Variants in HPD observed in about 807,000 individuals in gnomAD.
HPD encodes the protein 4-hydroxyphenylpyruvate dioxygenase.
HPD carries 35 observed loss-of-function variants against 56.9 expected under a neutral mutation model. The ratio of observed to expected loss-of-function variants is 0.62; its 90% CI spans 0.47 to 0.82. The LOEUF is 0.82. Ranked by LOEUF, HPD falls within the 40% of genes least tolerant of loss-of-function variation. The pLI, the probability that HPD is intolerant of heterozygous loss-of-function variation, is 0.00. For missense variants in HPD, 442 were observed against 506.8 expected (o/e 0.87, Z 1.23); for synonymous variants, 186 against 200.2 (o/e 0.93, Z 0.60).
At chr12:121,846,753 A>T (rs1273065635) in intron 11 of HPD, 109 bp downstream of exon 11, 1 of 996,302 alleles carries the variant, frequency 1.0e-6, no homozygotes, top group Non-Finnish European at 1.6e-6. Context: ...TCAGTCTCCC[A>T]GCCCAGAGAA....
intron 7 of HPD, among the ~76,000 whole-genome samples, chr12:121,853,240 A>G (rs1877869717): frequency 6.6e-6 from 1 of 152,076 alleles, no homozygotes; most frequent in Admixed American, 6.6e-5. Flanking sequence ...CTTAATACCT[A>G]GGTGATGGGA....
At position 121,845,390 on chromosome 12, in the gene HPD, A is replaced by T. The variant is rs1010124274; in HGVS notation, c.831+1472T>A. Reference sequence around the variant, plus strand: ...GGTGGGCAGATCACAAGATCAGGAGATCGAGACCATCCTGGCTAACACAGT... The same window carrying T: ...GGTGGGCAGATCACAAGATCAGGAGTTCGAGACCATCCTGGCTAACACAGT... On this transcript the variant is annotated intron_variant, in intron 11 of 13. Transcript: ENST00000289004. Among the ~76,000 whole-genome samples the T allele has an allele frequency of 2.7e-5, 4 of 149,250 alleles. 1 individual carries two copies. The highest frequency in any genetic ancestry group is 7.7e-5 in the African/African-American group (3 of 38,898).
chr12:121,882,469 T>C, the HPD span, among the ~76,000 whole-genome samples: 1 of 152,144 alleles, frequency 6.6e-6, no homozygotes, highest in East Asian at 1.9e-4. Context: ...GGGCTGTCTG[T>C]GGCCACTGCA....
Position 121,849,713 on chromosome 12 carries a change from C to T in HPD, c.492G>A (p.Ala164=), listed in dbSNP as rs1170779314. 18 of 1,613,508 alleles carry T rather than the reference C, an allele frequency of 1.1e-5. No homozygotes were observed. The highest frequency in any genetic ancestry group is 4.5e-5 in the East Asian group (2 of 44,864). Residue 164 remains alanine, a synonymous_variant, in exon 8 of 14, where the codon GCG becomes GCA. Coordinates refer to ENST00000289004, the MANE Select transcript of HPD (RefSeq NM_002150.3). ...GQFLPGYEAP[A]FMDPLLPKLP... ...GTTTAGGAAGTAGGGGGTCCATGAA[C>T]GCTGGGGCCTCATATCCAGGCAAGA... is the stretch of plus-strand genomic sequence containing the variant.
rs762065329 is a variant in HPD at position 121,854,704 on chromosome 12, G to A, written c.413C>T (p.Thr138Met). The part of the protein sequence containing the change: ...FGKVKFAVLQ[T>M]YGDTTHTLVE... ...GTGGGGGCACCAAAGGGAACTCACC[G>A]TCTGCAGCACAGCAAACTTCACCTT... Residue 138 changes from threonine to methionine, a missense_variant and splice_region_variant, in exon 7 of 14, where the codon ACG becomes ATG. By Grantham distance (81) the Thr-to-Met change is moderately conservative. Transcript: ENST00000289004. 1.1e-5 allele frequency: 18 copies of A among 1,610,860 alleles called. No individual in the cohort carries two copies. Among genetic ancestry groups the A allele is most frequent in the East Asian group, 2.2e-5 (1 of 44,880 alleles).
upstream of HPD, among the ~76,000 whole-genome samples, chr12:121,859,881 G>A (rs1368510496): frequency 4.6e-5 from 7 of 152,220 alleles, no homozygotes; most frequent in South Asian, 2.1e-4. Flanking sequence ...ACTGGGGGCC[G>A]GGGGTGGTGG....
intron 12 of HPD, among the ~76,000 whole-genome samples, chr12:121,842,303 G>T (rs1877433048): frequency 6.6e-6 from 1 of 150,962 alleles, no homozygotes; most frequent in African/African-American, 2.4e-5. Context: ...TTTTAAAACT[G>T]TTTTTTTTGT....
At chr12:121,844,880 CAAAAT>C (rs1224395570) in intron 11 of HPD, among the ~76,000 whole-genome samples, 1 of 149,308 alleles carries the variant, frequency 6.7e-6, no homozygotes, top group Non-Finnish European at 1.5e-5. Flanking sequence ...GACTCTGTCT[CAAAAT>C]AAAATAAAAT....
At chr12:121,851,836 A>T (rs1288791388) in intron 7 of HPD, among the ~76,000 whole-genome samples, 12 of 28,774 alleles carry the variant, frequency 4.2e-4, no homozygotes, top group Middle Eastern at 0.022. Context: ...CAGCCTCCCG[A>T]GTAGCTGGGA....
chr12:121,856,690 G>A lies in HPD; in HGVS notation c.199-65C>T, dbSNP rs368140816. On this transcript the variant is annotated intron_variant, in intron 4 of 13. Transcript: ENST00000289004. ...GGGGGCATGGGGAGGTGCACCCATC[G>A]GCCCCTCCCTGCCGACCCGAAACAC... 1,301 of 1,503,778 alleles carry A rather than the reference G, an allele frequency of 8.7e-4. 10 individuals carry two copies. Among genetic ancestry groups the A allele is most frequent in the South Asian group, 2.9e-3 (257 of 88,374 alleles). The allele number at this position is 1,503,778 out of a possible 1,614,324, so 93.2% of individuals were successfully genotyped here.
chr12:121,887,352 TTC>T, the HPD span, among the ~76,000 whole-genome samples: 165 of 149,502 alleles, frequency 1.1e-3, no homozygotes, highest in African/African-American at 3.2e-3. Context: ...GCACCTGTAT[TTC>T]TCTCTCTCTC....
At position 121,847,145 on chromosome 12, in the gene HPD, G is replaced by A. The variant is rs759216846; in HGVS notation, c.666C>T (p.Ser222=). 31 of 1,614,026 alleles carry A rather than the reference G, an allele frequency of 1.9e-5. No homozygotes were observed. Among genetic ancestry groups the A allele is most frequent in the Non-Finnish European group, 2.5e-5 (29 of 1,180,006 alleles). ...TGGCCACCACAATGGATCGCAGAGAGCTATATTCCGTGTGCACCTGCGTGT... is the reference window on the plus strand; with the variant it reads ...TGGCCACCACAATGGATCGCAGAGAACTATATTCCGTGTGCACCTGCGTGT... ...VDDTQVHTEY[S]SLRSIVVANY... Residue 222 remains serine (S), a synonymous_variant, in exon 10 of 14, where the codon AGC becomes AGT. Coordinates refer to ENST00000289004, the MANE Select transcript of HPD (RefSeq NM_002150.3).
intron 7 of HPD, among the ~76,000 whole-genome samples, chr12:121,851,704 T>TTTA (rs1566571738): frequency 9.3e-5 from 1 of 10,712 alleles, no homozygotes; most frequent in African/African-American, 5.0e-4. Flanking sequence ...TATTTATTTT[T>TTTA]TTTTTTTTTT....
the HPD span, among the ~76,000 whole-genome samples, chr12:121,874,670 A>G: frequency 4.1e-4 from 62 of 152,278 alleles, 1 homozygote; most frequent in East Asian, 0.012. Flanking sequence ...CCTGCTTCCA[A>G]GATTTTAAGG....
At position 121,843,796 on chromosome 12, in the gene HPD, A is replaced by G; in HGVS notation, c.868T>C (p.Ser290Pro). The G allele has an allele frequency of 1.2e-6, 2 of 1,614,038 alleles. No homozygotes were observed. Among genetic ancestry groups the G allele is most frequent in the Non-Finnish European group, 1.7e-6 (2 of 1,179,980 alleles). Residue 290 changes from serine (S) to proline (P), a missense_variant, in exon 12 of 14, where the codon TCT becomes CCT. Ser to Pro is a moderately conservative substitution (Grantham distance 74). Transcript: ENST00000289004. ...TGTTTGTAGTACGTGGAGGGAACAG[A>G]TAAGAACTCCAGGCCTCTCTCTCTC... ...HLRERGLEFL[S>P]VPSTYYKQLR...
upstream of HPD, among the ~76,000 whole-genome samples, chr12:121,865,638 T>G (rs1380296239): frequency 6.6e-6 from 1 of 150,716 alleles, no homozygotes; most frequent in East Asian, 1.9e-4. Flanking sequence ...TAATCTAAAG[T>G]AATCTAAGTA....
upstream of HPD, among the ~76,000 whole-genome samples, chr12:121,866,173 C>T (rs1034666631): frequency 6.6e-5 from 10 of 151,426 alleles, no homozygotes; most frequent in Non-Finnish European, 1.3e-4. Context: ...TGGTGGCAGG[C>T]GCCTGTAGTC....
chr12:121,839,891 T>C, intron 13 of HPD, 41 bp downstream of exon 13: 1 of 1,604,972 alleles, frequency 6.2e-7, no homozygotes, highest in Non-Finnish European at 8.5e-7. Flanking sequence ...CCGAGTGTGC[T>C]AGCTGCCTGT....
chr12:121,841,071 A>C (rs533866313), intron 12 of HPD, among the ~76,000 whole-genome samples: 2 of 152,100 alleles, frequency 1.3e-5, no homozygotes, highest in East Asian at 3.9e-4. Flanking sequence ...GCATGGTGGC[A>C]CACGCCTGTT....
Sources: allele counts gnomAD v4.1 joint callset (sites outside exome capture counted in the v4.1 genomes callset), GRCh38; gene constraint gnomAD v4.1.1; transcripts MANE v1.5; gene names NCBI Gene and HGNC (gene_info 2026-07-23, HGNC 2026-07-21).